The following SHOC1 variants were observed in gnomAD, a reference collection of about 807,000 sequenced individuals.
SHOC1 encodes protein shortage in chiasmata 1 ortholog.
A neutral mutation model predicts 179.2 loss-of-function variants in SHOC1; 136 were observed. The ratio of observed to expected loss-of-function variants is 0.76; its 90% confidence interval spans 0.66 to 0.87. SHOC1 has a LOEUF of 0.87. Among genes scored for constraint, SHOC1 ranks in the 40% least tolerant of loss-of-function variants. The pLI is 0.00. For synonymous variants in SHOC1, 489 were observed against 586.6 expected (o/e 0.83, Z 2.41); for missense variants, 1,538 against 1,700.8 (o/e 0.90, Z 1.68).
chr9:111,786,767 ATGT>A (rs1836276653), intron 2 of SHOC1, among the ~76,000 whole-genome samples: 1 of 152,176 alleles, frequency 6.6e-6, no homozygotes, highest in East Asian at 1.9e-4. Flanking sequence ...TAATTGATAA[ATGT>A]TGTGTGTATT....
chr9:111,793,494 A>C (rs1418195696), intron 1 of SHOC1, among the ~76,000 whole-genome samples: 2 of 152,158 alleles, frequency 1.3e-5, no homozygotes, highest in African/African-American at 2.4e-5. Context: ...ACATGCTTAG[A>C]ATCCCGTTTA....
At chr9:111,707,549 T>G (rs374424688) in intron 19 of SHOC1, among the ~76,000 whole-genome samples, 37 of 152,208 alleles carry the variant, frequency 2.4e-4, no homozygotes, top group African/African-American at 8.9e-4. Flanking sequence ...AAAACAATGC[T>G]GAGCAAAGAA....
At chr9:111,701,492 G>A (rs1831968615) in intron 23 of SHOC1, among the ~76,000 whole-genome samples, 1 of 152,018 alleles carries the variant, frequency 6.6e-6, no homozygotes. Context: ...AGAACCATAG[G>A]TAGACAGTAA....
chr9:111,729,559 G>T (rs1179328610), intron 12 of SHOC1, among the ~76,000 whole-genome samples: 4 of 152,190 alleles, frequency 2.6e-5, no homozygotes, highest in Non-Finnish European at 1.5e-5. Flanking sequence ...TCTGTAGCAT[G>T]TGCTGTTTGA....
At chr9:111,758,997 T>C in intron 5 of SHOC1, 149 bp from the exon 6 acceptor site, 1 of 910,702 alleles carries the variant, frequency 1.1e-6, no homozygotes, top group South Asian at 1.7e-5. Flanking sequence ...ACTGTGCATA[T>C]AGAGCATGTA....
At chr9:111,739,556 A>G (rs1833946566) in intron 11 of SHOC1, among the ~76,000 whole-genome samples, 1 of 152,148 alleles carries the variant, frequency 6.6e-6, no homozygotes, top group East Asian at 1.9e-4. Context: ...ATGGAATTAT[A>G]CCATATGAAT....
chr9:111,760,329 TC>T (rs1056040758), intron 5 of SHOC1, among the ~76,000 whole-genome samples: 2 of 152,190 alleles, frequency 1.3e-5, no homozygotes, highest in African/African-American at 4.8e-5. Flanking sequence ...TTCCTTACTT[TC>T]TTTGAGTTAT....
intron 13 of SHOC1, among the ~76,000 whole-genome samples, chr9:111,726,939 A>G (rs1833320287): frequency 2.6e-5 from 4 of 152,214 alleles, no homozygotes; most frequent in Admixed American, 2.6e-4. Context: ...ATGTAACAAT[A>G]TATAAATATC....
In SHOC1 at chr9:111,756,492, GT is replaced by G. The variant is rs1247725609; in HGVS notation, c.709-15del. ...AAAACTTGACGGCTGAAAAAACATA[GT>G]TTAAAAAAGTTTTTAGAGAGGCTTT... On this transcript the variant is annotated splice_polypyrimidine_tract_variant and intron_variant, in intron 7 of 27. Transcript: ENST00000682961. The G allele has an allele frequency of 6.3e-7, 1 of 1,576,344 alleles. No individual in the cohort carries two copies. Among genetic ancestry groups the G allele is most frequent in the Admixed American group, 2.0e-5 (1 of 49,062 alleles).
intron 8 of SHOC1, among the ~76,000 whole-genome samples, chr9:111,748,522 G>A (rs191094102): frequency 7.2e-5 from 11 of 152,264 alleles, no homozygotes; most frequent in Non-Finnish European, 1.5e-4. Flanking sequence ...GAATGAGGTC[G>A]CTTTGAAGGG....
Position 111,714,516 on chromosome 9 carries a change from C to T in SHOC1, c.2344G>A (p.Glu782Lys), listed in dbSNP as rs758686633. Residue 782 changes from glutamate to lysine, a missense_variant, in exon 17 of 28, where the codon GAA (glutamate) becomes AAA (lysine). By Grantham distance (56) the Glu-to-Lys change is moderately conservative. Transcript: ENST00000682961. Reference sequence around the variant, plus strand: ...AATTCTTGTATCTTGTAGTTGGTTTCAGGCTTTTTCCCCCTAATAAACTGT... The same window carrying T: ...AATTCTTGTATCTTGTAGTTGGTTTTAGGCTTTTTCCCCCTAATAAACTGT... ...IVQFIRGKKP[E>K]TNYKIQELQC... The T allele has an allele frequency of 1.9e-6, 3 of 1,613,842 alleles. No homozygotes were observed. Among genetic ancestry groups the T allele is most frequent in the Non-Finnish European group, 2.5e-6 (3 of 1,179,952 alleles).
At chr9:111,793,297 C>T (rs1352132607) in intron 1 of SHOC1, among the ~76,000 whole-genome samples, 1 of 152,204 alleles carries the variant, frequency 6.6e-6, no homozygotes, top group Non-Finnish European at 1.5e-5. Context: ...TAACAACAAA[C>T]TCAACTTTAC....
intron 27 of SHOC1, among the ~76,000 whole-genome samples, chr9:111,690,800 CA>C (rs1831392377): frequency 6.6e-6 from 1 of 152,022 alleles, no homozygotes; most frequent in Non-Finnish European, 1.5e-5. Context: ...CTTTTTAAAA[CA>C]AAACAAAAAA....
intron 16 of SHOC1, among the ~76,000 whole-genome samples, chr9:111,715,076 C>A (rs150844495): frequency 1.1e-3 from 163 of 152,324 alleles, no homozygotes; most frequent in African/African-American, 3.8e-3. Flanking sequence ...GGTATTTATA[C>A]ATATTTAATT....
At position 111,693,824 on chromosome 9, in the gene SHOC1, G is replaced by T; in HGVS notation, c.3440C>A (p.Pro1147His). 2 of 1,610,016 alleles carry T rather than the reference G, an allele frequency of 1.2e-6. No homozygotes were observed. The highest frequency in any genetic ancestry group is 1.7e-6 in the Non-Finnish European group (2 of 1,177,630). ...ATLCQLQELL[P>H]EVPEKVLKHF... ...CTTTAACACTTTTTCTGGGACTTCAGGTAGGAGTTCCTGAAGTTGACACAG... is the reference window on the plus strand; with the variant it reads ...CTTTAACACTTTTTCTGGGACTTCATGTAGGAGTTCCTGAAGTTGACACAG... Residue 1147 changes from proline to histidine, a missense_variant, in exon 26 of 28, where the codon CCT (proline) becomes CAT (histidine). Coordinates refer to ENST00000682961, the MANE Select transcript of SHOC1 (RefSeq NM_001378211.1).
intron 2 of SHOC1, among the ~76,000 whole-genome samples, chr9:111,786,358 C>G (rs1323557341): frequency 6.6e-6 from 1 of 151,958 alleles, no homozygotes; most frequent in East Asian, 1.9e-4. Flanking sequence ...TGGTGTGAAC[C>G]CGGGAGGTGG....
chr9:111,689,866 A>G (rs1233199812), intron 27 of SHOC1, among the ~76,000 whole-genome samples: 5 of 152,174 alleles, frequency 3.3e-5, no homozygotes, highest in Admixed American at 3.3e-4. Flanking sequence ...TTAATGTTAG[A>G]ATTTATTTAA....
intron 12 of SHOC1, among the ~76,000 whole-genome samples, chr9:111,733,944 G>A (rs1015022014): frequency 3.3e-5 from 5 of 152,034 alleles, no homozygotes; most frequent in Admixed American, 2.0e-4. Flanking sequence ...CCACTTTTCA[G>A]ATATTCTCTA....
intron 15 of SHOC1, among the ~76,000 whole-genome samples, 194 bp from the exon 16 acceptor site, chr9:111,718,482 T>C (rs1441612520): frequency 6.6e-6 from 1 of 152,172 alleles, no homozygotes; most frequent in Non-Finnish European, 1.5e-5. Context: ...GATCCAAATT[T>C]TATGAATGAG....
Sources: gnomAD v4.1 joint callset for allele counts (sites outside exome capture counted in the v4.1 genomes callset) on GRCh38, gnomAD v4.1.1 for gene constraint, MANE v1.5 for transcripts, NCBI Gene and HGNC (gene_info 2026-07-23, HGNC 2026-07-21) for gene names.